UBA6: variants seen among roughly 807,000 people sequenced by gnomAD.
The protein encoded by UBA6 is ubiquitin like modifier activating enzyme 6.
Under a neutral mutation model 148.3 loss-of-function variants are expected in UBA6, and 87 were observed. The ratio of observed to expected loss-of-function variants is 0.59; its 90% CI spans 0.49 to 0.70. The LOEUF (loss-of-function observed/expected upper bound fraction) is 0.70. Among genes scored for constraint, UBA6 ranks in the 30% least tolerant of loss-of-function variants. The pLI is 0.00. For missense variants in UBA6, 1,186 were observed against 1,241.2 expected (o/e 0.96, Z 0.67); for synonymous variants, 376 against 401.0 (o/e 0.94, Z 0.75).
At chr4:67,660,832 G>C (rs982651069) in intron 13 of UBA6, among the ~76,000 whole-genome samples, 9 of 152,190 alleles carry the variant, frequency 5.9e-5, no homozygotes, top group Non-Finnish European at 1.0e-4. Flanking sequence ...GCAGTCGGAA[G>C]GGGGGCTGTA....
At chr4:67,696,096 A>G (rs545669955) in intron 2 of UBA6, among the ~76,000 whole-genome samples, 6 of 152,264 alleles carry the variant, frequency 3.9e-5, no homozygotes, top group Admixed American at 1.3e-4. Context: ...GTATTTCTCC[A>G]CTGTCTATAA....
chr4:67,622,922 T>C lies in UBA6; in HGVS notation c.2932A>G (p.Lys978Glu). ...ACCATTGTTGGCTCAATTCCATACT[T>C]CTCCTAAAAGTGAATATCCAAAAAA... ...LLDFINAVKE[K>E]YGIEPTMVVQ... is the part of the protein sequence containing the mutation. The change falls in exon 32 of 33, where the codon AAG (lysine) becomes GAG (glutamate). Residue 978 changes from lysine (K) to glutamate (E), a missense_variant. Transcript: ENST00000322244. 1 of 1,606,266 alleles carries C rather than the reference T, an allele frequency of 6.2e-7. No homozygotes were observed. The highest frequency in any genetic ancestry group is 8.5e-7 in the Non-Finnish European group (1 of 1,176,604).
At chr4:67,644,450 G>A (rs1342545833) in intron 17 of UBA6, among the ~76,000 whole-genome samples, 1 of 152,082 alleles carries the variant, frequency 6.6e-6, no homozygotes, top group East Asian at 1.9e-4. Context: ...TAGTACAAAT[G>A]TCAGTTTCAC....
chr4:67,672,818 G>T (rs1231913024), intron 7 of UBA6, among the ~76,000 whole-genome samples: 1 of 152,050 alleles, frequency 6.6e-6, no homozygotes, highest in Non-Finnish European at 1.5e-5. Flanking sequence ...ATTACTCGGA[G>T]CCCTACTCAA....
intron 6 of UBA6, among the ~76,000 whole-genome samples, chr4:67,676,437 C>T (rs1024313352): frequency 1.3e-5 from 2 of 152,152 alleles, no homozygotes; most frequent in Non-Finnish European, 2.9e-5. Flanking sequence ...TATGAATTCC[C>T]CAGGAAAACC....
At chr4:67,680,545 G>C (rs911978454) in intron 4 of UBA6, among the ~76,000 whole-genome samples, 1 of 152,162 alleles carries the variant, frequency 6.6e-6, no homozygotes, top group African/African-American at 2.4e-5. Context: ...ATTTTACTTG[G>C]ATCCTGATTA....
rs368518047 is a variant in UBA6 at position 67,665,761 on chromosome 4, T to C, written c.794-469A>G. 3.5e-3 allele frequency among the ~76,000 whole-genome samples: 529 copies of C among 152,030 alleles called. 1 individual carries two copies. Among genetic ancestry groups the C allele is most frequent in the Non-Finnish European group, 6.3e-3 (428 of 67,962 alleles). The stretch of plus-strand genomic sequence containing the variant: ...AAAAGATAAGATTATTCAATAAATC[T>C]TATAGAGAAAAAAGACAACTGGGAG... On this transcript the variant is annotated intron_variant, in intron 9 of 32. Coordinates refer to ENST00000322244, the MANE Select transcript of UBA6 (RefSeq NM_018227.6).
intron 6 of UBA6, 113 bp downstream of exon 6, chr4:67,677,498 A>AT: frequency 2.0e-6 from 1 of 497,860 alleles, no homozygotes; most frequent in Non-Finnish European, 3.5e-6. Context: ...CTACCTTGAA[A>AT]TTTTTTTGTT....
chr4:67,666,035 T>G (rs1409324735), intron 9 of UBA6, among the ~76,000 whole-genome samples: 1 of 152,156 alleles, frequency 6.6e-6, no homozygotes, highest in Non-Finnish European at 1.5e-5. Context: ...GAAAATATTA[T>G]GCTCTGTCTG....
At chr4:67,639,246 A>G (rs981324667) in intron 18 of UBA6, 122 bp from the exon 19 acceptor site, 3 of 677,444 alleles carry the variant, frequency 4.4e-6, no homozygotes, top group Middle Eastern at 8.3e-4. Context: ...ATATATAATG[A>G]GAGTAATGAG....
chr4:67,631,245 C>G (rs1728990437), intron 25 of UBA6, among the ~76,000 whole-genome samples: 1 of 152,082 alleles, frequency 6.6e-6, no homozygotes, highest in Non-Finnish European at 1.5e-5. Flanking sequence ...TATACATATA[C>G]ACACAAGTGT....
At chr4:67,630,411 C>T (rs749087209) in intron 26 of UBA6, 55 bp downstream of exon 26, 25 of 1,095,668 alleles carry the variant, frequency 2.3e-5, no homozygotes, top group African/African-American at 9.5e-5. Flanking sequence ...GTGCATCAGT[C>T]ATCTAATTCT....
At chr4:67,655,607 C>A (rs187459532) in intron 13 of UBA6, among the ~76,000 whole-genome samples, 148 of 152,242 alleles carry the variant, frequency 9.7e-4, no homozygotes, top group African/African-American at 3.4e-3. Flanking sequence ...AAAATCGACA[C>A]CTTAACATCA....
intron 9 of UBA6, among the ~76,000 whole-genome samples, chr4:67,667,742 T>C (rs955492054): frequency 3.3e-5 from 5 of 152,194 alleles, no homozygotes; most frequent in African/African-American, 1.2e-4. Context: ...AAACTTCAAA[T>C]GGGCCCTATA....
At chr4:67,680,539 T>C (rs1730407966) in intron 4 of UBA6, among the ~76,000 whole-genome samples, 1 of 152,322 alleles carries the variant, frequency 6.6e-6, no homozygotes, top group Admixed American at 6.5e-5. Context: ...ATACGAATTT[T>C]ACTTGGATCC....
At chr4:67,625,331 C>G in intron 28 of UBA6, 144 bp from the exon 29 acceptor site, 1 of 601,972 alleles carries the variant, frequency 1.7e-6, no homozygotes, top group Non-Finnish European at 2.5e-6. Context: ...ATTCAGGCAA[C>G]TAATGTTATT....
chr4:67,625,340 T>C (rs1289715791), intron 28 of UBA6, among the ~76,000 whole-genome samples, 153 bp from the exon 29 acceptor site: 1 of 151,608 alleles, frequency 6.6e-6, no homozygotes, highest in Non-Finnish European at 1.5e-5. Flanking sequence ...ACTAATGTTA[T>C]TGAAGGCCAC....
chr4:67,681,600 G>A lies in UBA6; in HGVS notation c.230-9C>T. On this transcript the variant is annotated splice_polypyrimidine_tract_variant and intron_variant, in intron 3 of 32. Coordinates refer to ENST00000322244, the MANE Select transcript of UBA6 (RefSeq NM_018227.6). ...AAGAACAAGATTCTTTGCTAGAAAG[G>A]CAAAAGAAAAAGGAATAGCTCAATA... 6.3e-7 allele frequency: 1 copy of A among 1,575,248 alleles called. No individual in the cohort carries two copies. The highest frequency in any genetic ancestry group is 8.6e-7 in the Non-Finnish European group (1 of 1,164,964).
chr4:67,614,820 A>C lies in UBA6; in HGVS notation c.*4177T>G, dbSNP rs1327343878. 6.6e-6 allele frequency: 1 copy of C among 152,178 alleles called. No individual in the cohort carries two copies. The highest frequency in any genetic ancestry group is 1.5e-5 in the Non-Finnish European group (1 of 68,036). 9.4% of individuals were successfully genotyped at this position (152,178 alleles called of 1,614,324 possible). On this transcript the variant is annotated 3_prime_UTR_variant, in exon 33 of 33. Transcript: ENST00000322244. ...TTGGCAACTATACAGCCAACAAAGA[A>C]TAAGATTTATAAAGATCCTTTATGA...
Sources: allele counts gnomAD v4.1 joint callset (sites outside exome capture counted in the v4.1 genomes callset), GRCh38; gene constraint gnomAD v4.1.1; transcripts MANE v1.5; gene names NCBI Gene and HGNC (gene_info 2026-07-23, HGNC 2026-07-21).